HCN1: variants seen among roughly 807,000 people sequenced by gnomAD.
HCN1 encodes the protein potassium/sodium hyperpolarization-activated cyclic nucleotide-gated channel 1.
A neutral mutation model predicts 78.9 loss-of-function variants in HCN1; 13 were observed. That is an observed-to-expected ratio of 0.16 (90% CI 0.11 to 0.26). The LOEUF (loss-of-function observed/expected upper bound fraction) is 0.26. Ranked by LOEUF, HCN1 falls within the 10% of genes least tolerant of loss-of-function variation. HCN1 has a pLI of 1.00. For missense variants in HCN1, 810 were observed against 1,154.3 expected (o/e 0.70, Z 4.32); for synonymous variants, 552 against 455.5 (o/e 1.21, Z -2.70).
intron 5 of HCN1, among the ~76,000 whole-genome samples, chr5:45,317,248 T>G (rs1415470882): frequency 6.6e-6 from 1 of 152,004 alleles, no homozygotes; most frequent in East Asian, 1.9e-4. Context: ...AACAGAGCCC[T>G]CAGAAATAAT....
At chr5:45,578,482 C>G (rs1040891633) in intron 2 of HCN1, among the ~76,000 whole-genome samples, 7 of 151,852 alleles carry the variant, frequency 4.6e-5, no homozygotes, top group African/African-American at 1.7e-4. Context: ...AAACTATATG[C>G]CAGTGTTTCC....
chr5:45,495,412 G>A (rs1304826156), intron 2 of HCN1, among the ~76,000 whole-genome samples: 5 of 126,210 alleles, frequency 4.0e-5, no homozygotes, highest in African/African-American at 5.7e-5. Context: ...GTCTGTTATT[G>A]GTGTATAAGA....
intron 1 of HCN1, among the ~76,000 whole-genome samples, chr5:45,647,495 A>G (rs1745572731): frequency 6.6e-6 from 1 of 152,106 alleles, no homozygotes; most frequent in Non-Finnish European, 1.5e-5. Context: ...GGTGTCACAC[A>G]TAGCCCTTTC....
At chr5:45,568,274 G>A (rs1322295433) in intron 2 of HCN1, among the ~76,000 whole-genome samples, 1 of 151,816 alleles carries the variant, frequency 6.6e-6, no homozygotes, top group Non-Finnish European at 1.5e-5. Flanking sequence ...ATAATTTGTA[G>A]ACTCTCTACC....
intron 5 of HCN1, among the ~76,000 whole-genome samples, chr5:45,322,945 C>T (rs1746152407): frequency 6.6e-6 from 1 of 151,754 alleles, no homozygotes; most frequent in Non-Finnish European, 1.5e-5. Context: ...ATAATAGTTC[C>T]TAATTGCATG....
chr5:45,473,204 T>C (rs957925698), intron 2 of HCN1, among the ~76,000 whole-genome samples: 3 of 151,972 alleles, frequency 2.0e-5, no homozygotes, highest in African/African-American at 7.2e-5. Flanking sequence ...TGACTGTCCA[T>C]TTTCTAAGTT....
At chr5:45,346,837 T>A (rs1746726936) in intron 5 of HCN1, among the ~76,000 whole-genome samples, 1 of 152,202 alleles carries the variant, frequency 6.6e-6, no homozygotes, top group Non-Finnish European at 1.5e-5. Flanking sequence ...GGCCCAGGCT[T>A]GCTTAGGTAA....
chr5:45,542,277 T>C (rs1237191436), intron 2 of HCN1, among the ~76,000 whole-genome samples: 1 of 152,176 alleles, frequency 6.6e-6, no homozygotes, highest in African/African-American at 2.4e-5. Flanking sequence ...AGTTTTATTC[T>C]ATAGTATTCA....
intron 3 of HCN1, among the ~76,000 whole-genome samples, chr5:45,408,612 A>G (rs1442966309): frequency 1.3e-5 from 2 of 152,126 alleles, no homozygotes; most frequent in African/African-American, 2.4e-5. Flanking sequence ...GTGTTTCTTC[A>G]TCTTTCTAAT....
chr5:45,401,453 C>T (rs889708264), intron 3 of HCN1, among the ~76,000 whole-genome samples: 2 of 151,914 alleles, frequency 1.3e-5, no homozygotes, highest in Non-Finnish European at 2.9e-5. Context: ...GCCTATTGAC[C>T]TTCTAATCAT....
chr5:45,489,506 T>G (rs1464518927), intron 2 of HCN1, among the ~76,000 whole-genome samples: 3 of 152,134 alleles, frequency 2.0e-5, no homozygotes, highest in African/African-American at 7.2e-5. Context: ...GATTGGTGAT[T>G]CTTCAGAAAT....
At chr5:45,541,731 C>T (rs369127728) in intron 2 of HCN1, among the ~76,000 whole-genome samples, 54 of 152,240 alleles carry the variant, frequency 3.5e-4, no homozygotes, top group East Asian at 3.5e-3. Context: ...ACTGATGTAT[C>T]TTTTCTTCTT....
At chr5:45,583,621 G>T (rs373045107) in intron 2 of HCN1, among the ~76,000 whole-genome samples, 6 of 152,042 alleles carry the variant, frequency 3.9e-5, no homozygotes, top group African/African-American at 7.2e-5. Flanking sequence ...TGATGTTAGG[G>T]TGTCAATTTT....
intron 2 of HCN1, among the ~76,000 whole-genome samples, chr5:45,562,261 T>C (rs750883301): frequency 1.4e-4 from 21 of 152,194 alleles, no homozygotes; most frequent in South Asian, 6.2e-4. Context: ...TTTATGTGTA[T>C]ACCTGTCATA....
intron 4 of HCN1, among the ~76,000 whole-genome samples, chr5:45,378,994 G>T (rs993045422): frequency 1.3e-5 from 2 of 152,014 alleles, no homozygotes; most frequent in Non-Finnish European, 2.9e-5. Context: ...GTGTATATGT[G>T]CCACATTTTC....
intron 5 of HCN1, among the ~76,000 whole-genome samples, chr5:45,319,701 T>A (rs1268122902): frequency 1.3e-5 from 2 of 151,766 alleles, no homozygotes; most frequent in Non-Finnish European, 1.5e-5. Flanking sequence ...TCCTGGTTTT[T>A]TTTTTAGCTT....
intron 2 of HCN1, among the ~76,000 whole-genome samples, chr5:45,592,812 A>T (rs1019672509): frequency 4.6e-5 from 7 of 152,292 alleles, no homozygotes; most frequent in African/African-American, 1.7e-4. Context: ...TGTCTTTTTT[A>T]ACATAGGTAC....
At chr5:45,547,593 G>A (rs576603858) in intron 2 of HCN1, among the ~76,000 whole-genome samples, 7 of 151,876 alleles carry the variant, frequency 4.6e-5, no homozygotes, top group African/African-American at 7.2e-5. Flanking sequence ...AACAGTTTAC[G>A]TTCTGAGCCC....
chr5:45,309,675 T>C (rs954608190), intron 5 of HCN1, among the ~76,000 whole-genome samples: 1 of 152,198 alleles, frequency 6.6e-6, no homozygotes, highest in Non-Finnish European at 1.5e-5. Context: ...ATTTATTGAT[T>C]TGTGTATGTT....
Sources: gnomAD v4.1 joint callset for allele counts (sites outside exome capture counted in the v4.1 genomes callset) on GRCh38, gnomAD v4.1.1 for gene constraint, MANE v1.5 for transcripts, NCBI Gene and HGNC (gene_info 2026-07-23, HGNC 2026-07-21) for gene names.